PTPRD: variants seen among roughly 807,000 people sequenced by gnomAD.
The protein encoded by PTPRD is protein tyrosine phosphatase receptor type D, also known as receptor-type tyrosine-protein phosphatase delta.
A neutral mutation model predicts 214.5 loss-of-function variants in PTPRD; 34 were observed. The ratio of observed to expected loss-of-function variants is 0.16; its 90% CI spans 0.12 to 0.21. PTPRD has a LOEUF of 0.21. Ranked by LOEUF, PTPRD falls within the 10% of genes least tolerant of loss-of-function variation. PTPRD has a pLI of 1.00. For missense variants in PTPRD, 2,545 were observed against 2,398.7 expected (o/e 1.06, Z -1.27); for synonymous variants, 1,128 against 845.7 (o/e 1.33, Z -5.79).
chr9:10,457,111 A>G (rs1448846296), intron 2 of PTPRD, among the ~76,000 whole-genome samples: 1 of 151,982 alleles, frequency 6.6e-6, no homozygotes, highest in Non-Finnish European at 1.5e-5. Flanking sequence ...GCTAATGCAT[A>G]TAATCAGAAA....
chr9:8,685,908 T>TCAAGA (rs1308029692), intron 12 of PTPRD, among the ~76,000 whole-genome samples: 8 of 152,230 alleles, frequency 5.3e-5, no homozygotes, highest in Non-Finnish European at 1.2e-4. Context: ...AATAAAAGAC[T>TCAAGA]CAAGCCAGAT....
At chr9:10,485,028 ATTT>A (rs34004774) in intron 2 of PTPRD, among the ~76,000 whole-genome samples, 3 of 149,432 alleles carry the variant, frequency 2.0e-5, no homozygotes, top group Non-Finnish European at 4.5e-5. Flanking sequence ...TTTTTACTTG[ATTT>A]TTTTTTTGCA....
intron 3 of PTPRD, among the ~76,000 whole-genome samples, chr9:10,321,809 T>C (rs772533179): frequency 2.0e-5 from 3 of 152,022 alleles, no homozygotes; most frequent in Non-Finnish European, 2.9e-5. Context: ...GAAATTCAAA[T>C]GATCATTGCA....
At chr9:9,594,934 T>C (rs912243950) in intron 7 of PTPRD, among the ~76,000 whole-genome samples, 3 of 151,740 alleles carry the variant, frequency 2.0e-5, no homozygotes, top group Non-Finnish European at 4.4e-5. Flanking sequence ...AGGACATGAA[T>C]AGACAATTCT....
chr9:8,716,321 C>A (rs1270606919), intron 12 of PTPRD, among the ~76,000 whole-genome samples: 1 of 152,178 alleles, frequency 6.6e-6, no homozygotes, highest in East Asian at 1.9e-4. Context: ...CTAGAAGTAT[C>A]TATGTAATTG....
intron 6 of PTPRD, among the ~76,000 whole-genome samples, chr9:9,749,241 C>G (rs1312268038): frequency 6.6e-6 from 1 of 152,186 alleles, no homozygotes; most frequent in African/African-American, 2.4e-5. Context: ...AGGGCCAACT[C>G]TGCCCTGTTT....
chr9:9,927,771 C>T (rs2084860240), intron 5 of PTPRD, among the ~76,000 whole-genome samples: 1 of 152,016 alleles, frequency 6.6e-6, no homozygotes, highest in Admixed American at 6.6e-5. Context: ...TTGCCTCTTT[C>T]TTTAGTCATT....
At chr9:9,835,015 C>T (rs1287588111) in intron 5 of PTPRD, among the ~76,000 whole-genome samples, 1 of 151,872 alleles carries the variant, frequency 6.6e-6, no homozygotes, top group African/African-American at 2.4e-5. Flanking sequence ...TACCACCTTC[C>T]TTTATTGTTA....
intron 3 of PTPRD, among the ~76,000 whole-genome samples, chr9:10,118,192 T>TTAA (rs2098746103): frequency 8.4e-6 from 1 of 118,986 alleles, no homozygotes; most frequent in Non-Finnish European, 1.8e-5. Context: ...ACTTCTCACA[T>TTAA]TTATTATCTA....
rs141877371 is a variant in PTPRD at position 8,373,171 on chromosome 9, C to T, written c.4661+2765G>A. 3.9e-5 allele frequency among the ~76,000 whole-genome samples: 6 copies of T among 152,014 alleles called. No homozygotes were observed. In the East Asian group the frequency reaches 5.8e-4, roughly 15 times the overall value. On this transcript the variant is annotated intron_variant, in intron 39 of 45. Coordinates refer to ENST00000381196, the MANE Select transcript of PTPRD (RefSeq NM_002839.4). ...AAACTAGCATTTCTGGGATGCTACA[C>T]GGATAACTGTCATTTAAGAATGACT...
chr9:8,986,553 TTTAAAA>T (rs1220174996), intron 11 of PTPRD, among the ~76,000 whole-genome samples: 5 of 152,026 alleles, frequency 3.3e-5, no homozygotes, highest in African/African-American at 1.2e-4. Flanking sequence ...CTTTTGTTAA[TTTAAAA>T]TAAATATATA....
At chr9:9,582,576 G>C (rs2154315805) in intron 7 of PTPRD, among the ~76,000 whole-genome samples, 1 of 152,220 alleles carries the variant, frequency 6.6e-6, no homozygotes, top group South Asian at 2.1e-4. Flanking sequence ...TAAAACGTGG[G>C]AGGAATGGGG....
chr9:8,465,346 T>TG, intron 32 of PTPRD, 120 bp downstream of exon 32: 1 of 873,394 alleles, frequency 1.1e-6, no homozygotes, highest in Non-Finnish European at 1.8e-6. Flanking sequence ...GTTATTACAC[T>TG]TAATAACAGT....
intron 3 of PTPRD, among the ~76,000 whole-genome samples, chr9:10,243,529 T>G (rs975415632): frequency 7.2e-5 from 11 of 151,960 alleles, no homozygotes; most frequent in African/African-American, 2.7e-4. Flanking sequence ...TAGGTCCTCT[T>G]AACTGATTTC....
chr9:10,312,757 T>C (rs2096302390), intron 3 of PTPRD, among the ~76,000 whole-genome samples: 1 of 151,760 alleles, frequency 6.6e-6, no homozygotes, highest in Admixed American at 6.6e-5. Context: ...CAAAAAACAA[T>C]CTAAGGAAAT....
At chr9:10,246,324 A>G (rs1165018937) in intron 3 of PTPRD, among the ~76,000 whole-genome samples, 1 of 152,096 alleles carries the variant, frequency 6.6e-6, no homozygotes, top group Non-Finnish European at 1.5e-5. Context: ...GCTCACTGCA[A>G]CCTCCACCTC....
intron 7 of PTPRD, among the ~76,000 whole-genome samples, chr9:9,634,942 T>C (rs1184335841): frequency 3.9e-5 from 6 of 152,118 alleles, no homozygotes; most frequent in Non-Finnish European, 8.8e-5. Flanking sequence ...TGTAAAGCTG[T>C]AGGAGGCAAA....
In PTPRD at chr9:8,865,748, T is replaced by C. The variant is rs189425038; in HGVS notation, c.-103-131802A>G. 2.1e-3 allele frequency among the ~76,000 whole-genome samples: 321 copies of C among 152,268 alleles called. 2 individuals are homozygous for C. The highest frequency in any genetic ancestry group is 7.3e-3 in the African/African-American group (302 of 41,574). On this transcript the variant is annotated intron_variant, in intron 11 of 45. Coordinates refer to ENST00000381196, the MANE Select transcript of PTPRD (RefSeq NM_002839.4). Reference sequence around the variant, plus strand: ...TAGATACCACTGTGGCCTGGTTAGATGTCACGTTAATATTGCCTCTTATTG... The same window carrying C: ...TAGATACCACTGTGGCCTGGTTAGACGTCACGTTAATATTGCCTCTTATTG...
chr9:10,223,530 G>A (rs2099578356), intron 3 of PTPRD, among the ~76,000 whole-genome samples: 1 of 151,804 alleles, frequency 6.6e-6, no homozygotes, highest in Non-Finnish European at 1.5e-5. Context: ...TGGGTGTGGT[G>A]ATGTGGGCCT....
Sources: allele counts gnomAD v4.1 joint callset (sites outside exome capture counted in the v4.1 genomes callset), GRCh38; gene constraint gnomAD v4.1.1; transcripts MANE v1.5; gene names NCBI Gene and HGNC (gene_info 2026-07-23, HGNC 2026-07-21).